The following HSPD1 variants were observed in gnomAD, a reference collection of about 807,000 sequenced individuals.
HSPD1 encodes the protein heat shock protein family D (Hsp60) member 1.
In HSPD1, 3 loss-of-function variants were observed where a neutral mutation model predicts 53.0. That is an observed-to-expected ratio of 0.06 (90% CI 0.03 to 0.15). HSPD1 has a LOEUF of 0.15. HSPD1 is among the 10% of genes least tolerant of loss of function. The probability of loss-of-function intolerance (pLI) is 1.00; values close to 1 mark genes in which losing one functional copy is unlikely to be tolerated. For missense variants in HSPD1, 431 were observed against 694.1 expected, an observed-to-expected ratio of 0.62 and a Z score of 4.26; for synonymous variants, 200 against 228.0, an observed-to-expected ratio of 0.88 and a Z score of 1.10.
At chr2:197,494,615 A>C (rs200270826) in intron 5 of HSPD1, 42 bp downstream of exon 5, 165 of 874,110 alleles carry the variant, frequency 1.9e-4, no homozygotes, top group Middle Eastern at 4.1e-4. Flanking sequence ...TTTTGATCAT[A>C]AGATAACTCA....
At position 197,488,481 on chromosome 2, in the gene HSPD1, G is replaced by C. The variant is rs901262219; in HGVS notation, c.1226C>G (p.Thr409Arg). ...CTTTTCATTCACTTCAACATCACTT[G>C]TCCCACCAACCTAAAGACGAAAAGA... ...DGVAVLKVGG[T>R]SDVEVNEKKD... is the part of the protein sequence containing the mutation. The change falls in exon 10 of 12, where the codon ACA (threonine) becomes AGA (arginine). Residue 409 changes from threonine to arginine, a missense_variant. Thr to Arg is a moderately conservative substitution (Grantham distance 71). Around this residue, in one of 2 missense-constraint regions of HSPD1, gnomAD observed 386 missense variants for 657.6 expected, o/e 0.59. Transcript: ENST00000388968. 1.2e-6 allele frequency: 2 copies of C among 1,613,462 alleles called. No homozygotes were observed. Among genetic ancestry groups the C allele is most frequent in the Non-Finnish European group, 1.7e-6 (2 of 1,179,510 alleles).
chr2:197,494,286 A>C, intron 5 of HSPD1, 36 bp from the exon 6 acceptor site: 1 of 1,011,094 alleles, frequency 9.9e-7, no homozygotes, highest in Non-Finnish European at 1.6e-6. Context: ...TATGGATTTC[A>C]TTGAACACAA....
chr2:197,497,035 A>T (rs2086166863), intron 3 of HSPD1, 105 bp downstream of exon 3: 1 of 1,154,126 alleles, frequency 8.7e-7, no homozygotes. Flanking sequence ...GAGGAATGAG[A>T]GAAGGATTAA....
At chr2:197,498,910 CAT>C in intron 1 of HSPD1, 60 bp from the exon 2 acceptor site, 2 of 1,461,470 alleles carry the variant, frequency 1.4e-6, no homozygotes, top group Non-Finnish European at 1.9e-6. Context: ...GCAGAACAAA[CAT>C]GCCCACCTGT....
At chr2:197,489,314 A>G in intron 8 of HSPD1, 67 bp from the exon 9 acceptor site, 1 of 1,464,790 alleles carries the variant, frequency 6.8e-7, no homozygotes, top group African/African-American at 1.4e-5. Flanking sequence ...AAGTTTATTA[A>G]TACACCATGC....
chr2:197,488,633 C>T lies in HSPD1; in HGVS notation c.1216-142G>A, dbSNP rs971467979. 4.9e-6 allele frequency: 4 copies of T among 820,462 alleles called. No individual in the cohort carries two copies. The African/African-American group carries it at 6.7e-5, about 14-fold the overall frequency. 50.8% of individuals were successfully genotyped at this position (820,462 alleles called of 1,614,324 possible). Reference sequence around the variant, plus strand: ...CCTGTAATCCTAGCACTTTGGGAGGCTGAGGTGAGTGGATCACTTGAGGTC... The same window carrying T: ...CCTGTAATCCTAGCACTTTGGGAGGTTGAGGTGAGTGGATCACTTGAGGTC... On this transcript the variant is annotated intron_variant, in intron 9 of 11. Coordinates refer to ENST00000388968, the MANE Select transcript of HSPD1 (RefSeq NM_002156.5).
At chr2:197,499,589 C>T (rs2086214575) in intron 1 of HSPD1, among the ~76,000 whole-genome samples, 193 bp downstream of exon 1, 1 of 152,230 alleles carries the variant, frequency 6.6e-6, no homozygotes, top group South Asian at 2.1e-4. Context: ...AGCCGAGGTC[C>T]AGGATCCGCG....
chr2:197,497,112 A>T lies in HSPD1; in HGVS notation c.427+28T>A, dbSNP rs1018258101. ...GCCTTAAAGCACACTGAAGTTTAGA[A>T]CACTGTGGTGACAACAGACATTCCT... is the stretch of plus-strand genomic sequence containing the variant. On this transcript the variant is annotated intron_variant, in intron 3 of 11. Transcript: ENST00000388968. 5.1e-5 allele frequency: 82 copies of T among 1,611,078 alleles called. 2 individuals carry two copies. The Admixed American group carries it at 5.8e-4, about 11-fold the overall frequency.
chr2:197,491,036 A>T (rs2086084988), intron 7 of HSPD1, among the ~76,000 whole-genome samples: 1 of 152,198 alleles, frequency 6.6e-6, no homozygotes, highest in Non-Finnish European at 1.5e-5. Flanking sequence ...ACTTCAAGAC[A>T]GCTGGTCTAT....
intron 7 of HSPD1, among the ~76,000 whole-genome samples, chr2:197,491,288 C>T (rs554205799): frequency 8.6e-5 from 13 of 150,490 alleles, no homozygotes; most frequent in East Asian, 2.0e-4. Flanking sequence ...CCTGGGTTTA[C>T]GCCATTCTCC....
intron 5 of HSPD1, 171 bp downstream of exon 5, chr2:197,494,466 GGCTAATTCACATAAAACACA>G: frequency 1.6e-6 from 1 of 631,000 alleles, no homozygotes; most frequent in Non-Finnish European, 2.8e-6. Context: ...ATGCAGCAAA[GGCTAATTCACATAAAACACA>G]GTAAGTACTT....
intron 4 of HSPD1, chr2:197,494,957 T>C (rs1379543046): frequency 4.9e-6 from 3 of 609,556 alleles, no homozygotes; most frequent in Non-Finnish European, 8.8e-6. Context: ...AAGAATATGA[T>C]ACATAAAACT....
intron 3 of HSPD1, among the ~76,000 whole-genome samples, chr2:197,496,010 T>C (rs78293030): frequency 6.6e-6 from 1 of 152,196 alleles, no homozygotes; most frequent in Non-Finnish European, 1.5e-5. Context: ...ACACTTCTCA[T>C]GTCCATTAGA....
intron 10 of HSPD1, 71 bp from the exon 11 acceptor site, chr2:197,488,107 G>A (rs1005847720): frequency 2.5e-6 from 3 of 1,189,908 alleles, no homozygotes; most frequent in Non-Finnish European, 3.7e-6. Flanking sequence ...TAAGTTGTGA[G>A]GATATTGATG....
At chr2:197,496,077 G>A (rs1447830118) in intron 3 of HSPD1, among the ~76,000 whole-genome samples, 1 of 152,166 alleles carries the variant, frequency 6.6e-6, no homozygotes, top group East Asian at 1.9e-4. Context: ...AAGAAGTACA[G>A]TTCTTAAATG....
chr2:197,498,544 G>C, intron 2 of HSPD1, 131 bp downstream of exon 2: 1 of 847,256 alleles, frequency 1.2e-6, no homozygotes, highest in Non-Finnish European at 1.9e-6. Flanking sequence ...CAATACTTCA[G>C]AATTCTTACA....
intron 8 of HSPD1, 72 bp from the exon 9 acceptor site, chr2:197,489,319 C>A (rs1291453143): frequency 2.8e-6 from 4 of 1,428,118 alleles, no homozygotes; most frequent in South Asian, 2.3e-5. Context: ...TATTAATACA[C>A]CATGCAAGAG....
chr2:197,494,763 C>A lies in HSPD1; in HGVS notation c.511-11G>T. 6.4e-7 allele frequency: 1 copy of A among 1,571,442 alleles called. No homozygotes were observed. The highest frequency in any genetic ancestry group is 1.1e-5 in the South Asian group (1 of 90,184). On this transcript the variant is annotated splice_polypyrimidine_tract_variant and intron_variant, in intron 4 of 11. Transcript: ENST00000388968. The stretch of plus-strand genomic sequence containing the variant: ...AGAAATCGTAGCAACCTGAAATAAT[C>A]CAGTTACTCTTCGAAATTAAAAGGT...
chr2:197,493,465 T>C lies in HSPD1; in HGVS notation c.728A>G (p.Tyr243Cys). The change falls in exon 7 of 12, where the codon TAT becomes TGT. Residue 243 changes from tyrosine (Y) to cysteine (C), a missense_variant. Coordinates refer to ENST00000388968, the MANE Select transcript of HSPD1 (RefSeq NM_002156.5). Reference sequence around the variant, plus strand: ...AATTTTCTTTTCACTCAACAGAACATAGGCATCCTGGAATTCACATTTCTG... The same window carrying C: ...AATTTTCTTTTCACTCAACAGAACACAGGCATCCTGGAATTCACATTTCTG... ...KGQKCEFQDAYVLLSEKKISS... is the reference protein window; with the variant it reads ...KGQKCEFQDACVLLSEKKISS... 1.9e-6 allele frequency: 3 copies of C among 1,612,620 alleles called. No individual in the cohort carries two copies. The highest frequency in any genetic ancestry group is 1.3e-5 in the African/African-American group (1 of 75,032).
Sources: allele counts gnomAD v4.1 joint callset (sites outside exome capture counted in the v4.1 genomes callset), GRCh38; gene constraint gnomAD v4.1.1; regional missense constraint gnomAD v4.1.1; transcripts MANE v1.5; gene names NCBI Gene and HGNC (gene_info 2026-07-23, HGNC 2026-07-21).